SNX10: variants seen among roughly 807,000 people sequenced by gnomAD.
The protein encoded by SNX10 is sorting nexin 10.
SNX10 carries 25 observed loss-of-function variants against 28.5 expected under a neutral mutation model. The ratio of observed to expected loss-of-function variants is 0.88; its 90% CI spans 0.64 to 1.22. The LOEUF (loss-of-function observed/expected upper bound fraction) is 1.22. Among genes scored for constraint, SNX10 ranks in the 50% most tolerant of loss-of-function variants. SNX10 has a pLI of 0.00. For missense variants in SNX10, 223 were observed against 242.6 expected, an observed-to-expected ratio of 0.92 and a Z score of 0.54; for synonymous variants, 62 against 81.4, an observed-to-expected ratio of 0.76 and a Z score of 1.28.
At chr7:26,307,381 C>G (rs751251875) in intron 1 of SNX10, among the ~76,000 whole-genome samples, 2 of 152,178 alleles carry the variant, frequency 1.3e-5, no homozygotes, top group African/African-American at 2.4e-5. Flanking sequence ...GTCACCCGGC[C>G]TGTGAGTCAT....
chr7:26,331,206 T>C (rs1787735238), intron 1 of SNX10, among the ~76,000 whole-genome samples: 1 of 148,704 alleles, frequency 6.7e-6, no homozygotes, highest in Non-Finnish European at 1.5e-5. Flanking sequence ...CATAAAGAAA[T>C]GGGTTAGGCT....
At chr7:26,314,362 C>T (rs1786980514) in intron 1 of SNX10, among the ~76,000 whole-genome samples, 1 of 151,950 alleles carries the variant, frequency 6.6e-6, no homozygotes, top group Non-Finnish European at 1.5e-5. Flanking sequence ...TCAAACGATT[C>T]TCCTGCCTCA....
intron 2 of SNX10, among the ~76,000 whole-genome samples, chr7:26,351,935 T>C (rs139846567): frequency 0.012 from 1,778 of 152,078 alleles, 33 homozygotes; most frequent in African/African-American, 0.04. Flanking sequence ...GGATTACAGG[T>C]GTGAGCCACT....
intron 1 of SNX10, among the ~76,000 whole-genome samples, chr7:26,332,447 T>A (rs1222093311): frequency 6.6e-6 from 1 of 152,214 alleles, no homozygotes; most frequent in Admixed American, 6.5e-5. Flanking sequence ...TTTTTCTTAT[T>A]AAGTTGTAAG....
At chr7:26,347,212 T>G (rs896596665) in intron 2 of SNX10, among the ~76,000 whole-genome samples, 6 of 152,236 alleles carry the variant, frequency 3.9e-5, no homozygotes, top group Admixed American at 3.9e-4. Context: ...AAACCATTTA[T>G]TTCAGAGAAT....
At chr7:26,295,319 C>G (rs1786068467) in intron 1 of SNX10, among the ~76,000 whole-genome samples, 1 of 152,098 alleles carries the variant, frequency 6.6e-6, no homozygotes, top group African/African-American at 2.4e-5. Context: ...ACCTCAGCCT[C>G]CCAAAGTGCT....
intron 1 of SNX10, among the ~76,000 whole-genome samples, chr7:26,324,153 A>G (rs35073600): frequency 0.036 from 5,475 of 152,224 alleles, 200 homozygotes; most frequent in East Asian, 0.21. Context: ...ACTCAGTTGA[A>G]TAAGATAACC....
chr7:26,352,218 A>G (rs1001563718), intron 2 of SNX10, among the ~76,000 whole-genome samples: 1 of 152,212 alleles, frequency 6.6e-6, no homozygotes, highest in African/African-American at 2.4e-5. Flanking sequence ...TGAATAAACC[A>G]ATAAACAAAA....
At chr7:26,293,895 C>T (rs578191748) in intron 1 of SNX10, among the ~76,000 whole-genome samples, 26 of 152,234 alleles carry the variant, frequency 1.7e-4, no homozygotes, top group African/African-American at 5.8e-4. Context: ...CAAAGAGTAA[C>T]GTTGGTGTTC....
chr7:26,371,786 T>C, intron 5 of SNX10, 35 bp from the exon 6 acceptor site: 2 of 1,464,154 alleles, frequency 1.4e-6, no homozygotes, highest in East Asian at 2.3e-5. Context: ...GACCATCCTG[T>C]TCACCAATTA....
rs1789022934 is a variant in SNX10 at position 26,360,499 on chromosome 7, CCAAAGTG to C, written c.25-474_25-468del. 2.5e-5 allele frequency: 4 copies of C among 159,986 alleles called. No individual in the cohort carries two copies. The South Asian group carries it at 7.2e-4, about 29-fold the overall frequency. The allele number at this position is 159,986 out of a possible 1,614,324, so 9.9% of individuals were successfully genotyped here. On this transcript the variant is annotated intron_variant, in intron 2 of 6. Transcript: ENST00000338523. The stretch of plus-strand genomic sequence containing the variant: ...AAACTCCTGGGCTCAAGAGATCCTT[CCAAAGTG>C]CTGGGATTACAGGTGTGAGCCACCC...
At chr7:26,312,925 C>T (rs946779382) in intron 1 of SNX10, among the ~76,000 whole-genome samples, 16 of 152,074 alleles carry the variant, frequency 1.1e-4, no homozygotes, top group African/African-American at 3.6e-4. Flanking sequence ...ATTTTGCAAA[C>T]GGATCATGTT....
chr7:26,344,584 G>A (rs1286208936), intron 1 of SNX10, among the ~76,000 whole-genome samples: 1 of 152,118 alleles, frequency 6.6e-6, no homozygotes, highest in Admixed American at 6.5e-5. Context: ...TCCCTGTTGT[G>A]TGTTTTTCCA....
chr7:26,306,558 C>A (rs570539910), intron 1 of SNX10, among the ~76,000 whole-genome samples: 2 of 151,958 alleles, frequency 1.3e-5, no homozygotes, highest in Non-Finnish European at 2.9e-5. Context: ...GCACGCACCA[C>A]CATGCCTGGC....
chr7:26,308,326 AG>A (rs1373419692), intron 1 of SNX10, among the ~76,000 whole-genome samples: 2 of 152,088 alleles, frequency 1.3e-5, no homozygotes, highest in Non-Finnish European at 2.9e-5. Context: ...TCATTTCAGG[AG>A]GGGTTCTGCC....
At chr7:26,372,176 T>C in intron 6 of SNX10, 143 bp downstream of exon 6, 1 of 635,642 alleles carries the variant, frequency 1.6e-6, no homozygotes, top group Non-Finnish European at 2.7e-6. Flanking sequence ...TGACTGAGAT[T>C]TTATTGAGCT....
chr7:26,316,729 G>A (rs1165137119), intron 1 of SNX10, among the ~76,000 whole-genome samples: 1 of 152,118 alleles, frequency 6.6e-6, no homozygotes, highest in Non-Finnish European at 1.5e-5. Context: ...GGTGGACCAG[G>A]GTCACTTAGC....
Position 26,291,888 on chromosome 7 carries a change from G to C in SNX10, c.-222G>C, listed in dbSNP as rs942034860. ...CTAGGCGCGGCGCCCACAGGCGGACGGCTGGCGCTGAGCGCGGGCGCGGGG... is the reference window on the plus strand; with the variant it reads ...CTAGGCGCGGCGCCCACAGGCGGACCGCTGGCGCTGAGCGCGGGCGCGGGG... On this transcript the variant is annotated 5_prime_UTR_variant, in exon 1 of 7. Transcript: ENST00000338523. The C allele has an allele frequency of 6.9e-6, 1 of 145,898 alleles. No homozygotes were observed. The highest frequency in any genetic ancestry group is 2.5e-5 in the African/African-American group (1 of 40,816). 9.0% of individuals were successfully genotyped at this position (145,898 alleles called of 1,614,324 possible).
rs1788120952 is a variant in SNX10 at position 26,340,031 on chromosome 7, C to T, written c.-23-6389C>T. On this transcript the variant is annotated intron_variant, in intron 1 of 6. Transcript: ENST00000338523. ...TTTTTTTTTAAATAATGATATAAACCATACTTGTTATTCCTTATTTCATCA... is the reference window on the plus strand; with the variant it reads ...TTTTTTTTTAAATAATGATATAAACTATACTTGTTATTCCTTATTTCATCA... Among the ~76,000 whole-genome samples the T allele has an allele frequency of 2.0e-5, 3 of 151,756 alleles. No individual in the cohort carries two copies. In the South Asian group the frequency reaches 6.3e-4, roughly 32 times the overall value.
Sources: allele counts gnomAD v4.1 joint callset (sites outside exome capture counted in the v4.1 genomes callset), GRCh38; gene constraint gnomAD v4.1.1; transcripts MANE v1.5; gene names NCBI Gene and HGNC (gene_info 2026-07-23, HGNC 2026-07-21).